Variants in PRKACB observed in about 807,000 individuals in gnomAD.
The protein encoded by PRKACB is cAMP-dependent protein kinase catalytic subunit beta.
In PRKACB, 16 loss-of-function variants were observed where a neutral mutation model predicts 51.4. That is an observed-to-expected ratio of 0.31 (90% confidence interval 0.21 to 0.47). PRKACB has a LOEUF of 0.47. PRKACB is among the 20% of genes least tolerant of loss of function. PRKACB has a pLI of 1.00. For synonymous variants in PRKACB, 147 were observed against 154.4 expected (o/e 0.95, Z 0.35); for missense variants, 309 against 464.5 (o/e 0.67, Z 3.08).
At chr1:84,118,015 T>C (rs1242813401) in intron 1 of PRKACB, among the ~76,000 whole-genome samples, 2 of 152,180 alleles carry the variant, frequency 1.3e-5, no homozygotes, top group East Asian at 3.8e-4. Context: ...CAGCATGAAT[T>C]CCTTGTCTGA....
At chr1:84,133,673 C>T (rs769347090) in intron 1 of PRKACB, among the ~76,000 whole-genome samples, 13 of 152,128 alleles carry the variant, frequency 8.5e-5, no homozygotes, top group Non-Finnish European at 1.6e-4. Context: ...CTACCCCTTG[C>T]GGGAGGGGGA....
intron 1 of PRKACB, among the ~76,000 whole-genome samples, chr1:84,167,515 A>G (rs554060758): frequency 3.3e-5 from 5 of 151,724 alleles, no homozygotes; most frequent in African/African-American, 1.2e-4. Context: ...CTGTACTCCC[A>G]AAGCAAACTT....
At chr1:84,203,681 T>G (rs1336484132) in intron 8 of PRKACB, among the ~76,000 whole-genome samples, 1 of 152,016 alleles carries the variant, frequency 6.6e-6, no homozygotes, top group Non-Finnish European at 1.5e-5. Context: ...TATTTCTACA[T>G]GTGGTACTGC....
intron 9 of PRKACB, among the ~76,000 whole-genome samples, chr1:84,214,550 T>C (rs1199574136): frequency 6.7e-6 from 1 of 149,740 alleles, no homozygotes; most frequent in Non-Finnish European, 1.5e-5. Context: ...TGGAGTGCAG[T>C]GGCACAATCT....
chr1:84,197,641 T>A (rs1668575364), intron 6 of PRKACB, 88 bp from the exon 7 acceptor site: 1 of 849,832 alleles, frequency 1.2e-6, no homozygotes, highest in Admixed American at 2.8e-5. Flanking sequence ...TAGTTTCAAT[T>A]TGAATTTTAA....
chr1:84,182,348 T>C lies in PRKACB; in HGVS notation c.378+20T>C. 6.6e-7 allele frequency: 1 copy of C among 1,509,784 alleles called. No homozygotes were observed. The highest frequency in any genetic ancestry group is 8.9e-7 in the Non-Finnish European group (1 of 1,127,464). The allele number at this position is 1,509,784 out of a possible 1,614,324, so 93.5% of individuals were successfully genotyped here. On this transcript the variant is annotated intron_variant, in intron 3 of 9. Transcript: ENST00000370685. ...CAGAAGGTGAGTGTATTTGTTGTTATTTACCTTCAGGGTAAACTTTAGTTT... is the reference window on the plus strand; with the variant it reads ...CAGAAGGTGAGTGTATTTGTTGTTACTTACCTTCAGGGTAAACTTTAGTTT...
intron 9 of PRKACB, among the ~76,000 whole-genome samples, chr1:84,228,451 G>T (rs905656996): frequency 6.6e-6 from 1 of 151,968 alleles, no homozygotes; most frequent in Non-Finnish European, 1.5e-5. Flanking sequence ...TCACAGTGTT[G>T]TACTGAGAAC....
At chr1:84,106,010 T>G (rs550127629) in intron 1 of PRKACB, among the ~76,000 whole-genome samples, 1 of 146,436 alleles carries the variant, frequency 6.8e-6, no homozygotes, top group Admixed American at 6.8e-5. Flanking sequence ...TAATAATAAC[T>G]ATTTACATTA....
intron 1 of PRKACB, among the ~76,000 whole-genome samples, chr1:84,151,402 T>G (rs1654846402): frequency 6.6e-6 from 1 of 152,188 alleles, no homozygotes; most frequent in Non-Finnish European, 1.5e-5. Context: ...ATCAAGGTGA[T>G]GGTCGCTGAA....
intron 9 of PRKACB, among the ~76,000 whole-genome samples, chr1:84,215,449 C>T (rs766451545): frequency 1.3e-5 from 2 of 152,046 alleles, no homozygotes; most frequent in Non-Finnish European, 2.9e-5. Context: ...TAACTTTGCA[C>T]CTGAGTTTTT....
intron 8 of PRKACB, 45 bp downstream of exon 8, chr1:84,202,850 AT>A: frequency 1.4e-6 from 2 of 1,475,118 alleles, no homozygotes; most frequent in Non-Finnish European, 1.9e-6. Flanking sequence ...CTGTATATGA[AT>A]TTTAAGCTTC....
At chr1:84,104,094 A>T (rs1557936054) in intron 1 of PRKACB, among the ~76,000 whole-genome samples, 1 of 152,154 alleles carries the variant, frequency 6.6e-6, no homozygotes, top group Non-Finnish European at 1.5e-5. Context: ...ATTTTTTATC[A>T]GTTAACCTCT....
chr1:84,088,723 A>G (rs1276973329), intron 1 of PRKACB, among the ~76,000 whole-genome samples: 3 of 152,128 alleles, frequency 2.0e-5, no homozygotes, highest in Admixed American at 6.6e-5. Context: ...ACATTCACTT[A>G]TTTGTCTTTC....
chr1:84,138,297 A>G (rs1014354568), intron 1 of PRKACB, among the ~76,000 whole-genome samples: 3 of 152,318 alleles, frequency 2.0e-5, no homozygotes, highest in Admixed American at 6.5e-5. Flanking sequence ...GGAGCTTCCC[A>G]TGGTCAAAAT....
upstream of PRKACB, among the ~76,000 whole-genome samples, chr1:84,143,317 T>G (rs1056662589): frequency 6.6e-6 from 1 of 151,988 alleles, no homozygotes; most frequent in Non-Finnish European, 1.5e-5. Flanking sequence ...CCGGGCATGG[T>G]GGTGCGCGCC....
intron 1 of PRKACB, among the ~76,000 whole-genome samples, chr1:84,082,403 TC>T (rs1281803051): frequency 1.3e-5 from 2 of 152,202 alleles, no homozygotes; most frequent in Admixed American, 1.3e-4. Flanking sequence ...TGGATTTTTA[TC>T]ATCATTATCT....
In PRKACB at chr1:84,235,416, A is replaced by G. The variant is rs950596113; in HGVS notation, c.*111A>G. 13 of 1,413,132 alleles carry G rather than the reference A, an allele frequency of 9.2e-6. No individual in the cohort carries two copies. Among genetic ancestry groups the G allele is most frequent in the African/African-American group, 4.3e-5 (3 of 69,100 alleles). 87.5% of individuals were successfully genotyped at this position (1,413,132 alleles called of 1,614,324 possible). ...GCAGTTACCTAGTTCCTTCATTCCAACGACTGAGTGAGGTCTTTATTGCCA... is the reference window on the plus strand; with the variant it reads ...GCAGTTACCTAGTTCCTTCATTCCAGCGACTGAGTGAGGTCTTTATTGCCA... On this transcript the variant is annotated 3_prime_UTR_variant, in exon 10 of 10. Coordinates refer to ENST00000370685, the MANE Select transcript of PRKACB (RefSeq NM_182948.4).
chr1:84,228,361 G>A (rs76187154), intron 9 of PRKACB, among the ~76,000 whole-genome samples: 22,816 of 152,144 alleles, frequency 0.15, 2,298 homozygotes, highest in Non-Finnish European at 0.22. Flanking sequence ...TGCTTTAGCC[G>A]CTTATCAGTC....
At chr1:84,226,305 T>G (rs1418906132) in intron 9 of PRKACB, among the ~76,000 whole-genome samples, 1 of 150,804 alleles carries the variant, frequency 6.6e-6, no homozygotes, top group Non-Finnish European at 1.5e-5. Context: ...AAAGATTTAT[T>G]GAATTTGGGG....
Sources: allele counts gnomAD v4.1 joint callset (sites outside exome capture counted in the v4.1 genomes callset), GRCh38; gene constraint gnomAD v4.1.1; transcripts MANE v1.5; gene names NCBI Gene and HGNC (gene_info 2026-07-23, HGNC 2026-07-21).